ZFPM1: variants seen among roughly 807,000 people sequenced by gnomAD.
ZFPM1 encodes the protein zinc finger protein ZFPM1.
ZFPM1 carries 28 observed loss-of-function variants against 46.3 expected under a neutral mutation model. The observed-to-expected ratio is 0.60, with a 90% CI of 0.45 to 0.83. The LOEUF is 0.83. Among genes scored for constraint, ZFPM1 ranks in the 40% least tolerant of loss-of-function variants. The probability of loss-of-function intolerance (pLI) is 0.00; values close to 1 mark genes in which losing one functional copy is unlikely to be tolerated. For missense variants in ZFPM1, 1,878 were observed against 1,432.4 expected (o/e 1.31, Z -5.02); for synonymous variants, 957 against 675.9 (o/e 1.42, Z -6.45).
intron 3 of ZFPM1, among the ~76,000 whole-genome samples, chr16:88,506,613 G>C (rs2142412451): frequency 6.6e-6 from 1 of 152,296 alleles, no homozygotes; most frequent in East Asian, 1.9e-4. Flanking sequence ...CCCCAGTGTG[G>C]CCAGAGGGCC....
At chr16:88,468,469 G>T (rs1054147409) in intron 1 of ZFPM1, among the ~76,000 whole-genome samples, 6 of 152,204 alleles carry the variant, frequency 3.9e-5, no homozygotes, top group Non-Finnish European at 1.5e-5. Context: ...GTTGGGACTT[G>T]GGGCCAGGTC....
rs749185697 is a variant in ZFPM1, at chr16:88,522,623, G to A, written c.403-4191G>A. 3.0e-4 allele frequency among the ~76,000 whole-genome samples: 46 copies of A among 152,264 alleles called. 1 individual carries two copies. Among genetic ancestry groups the A allele is most frequent in the Non-Finnish European group, 1.8e-4 (12 of 68,044 alleles). ...TCCGATGGCTATCGGTGCCACCGCA[G>A]AATCAAGACACTGACCTCTTTGTTG... On this transcript the variant is annotated intron_variant, in intron 4 of 9. Transcript: ENST00000319555.
At chr16:88,453,086 G>A (rs553928963), upstream of ZFPM1, among the ~76,000 whole-genome samples, 1,477 of 151,476 alleles carry the variant, frequency 9.8e-3, 23 homozygotes, top group African/African-American at 0.034. Context: ...GCGGGCGGGG[G>A]CGCGGTCGCG....
intron 3 of ZFPM1, among the ~76,000 whole-genome samples, chr16:88,504,320 C>T (rs1043096054): frequency 6.6e-6 from 1 of 152,172 alleles, no homozygotes; most frequent in Admixed American, 6.5e-5. Context: ...TAGGACAAGG[C>T]AAGGCTGGGG....
chr16:88,457,629 TTC>T (rs1008377835), intron 1 of ZFPM1, among the ~76,000 whole-genome samples: 17 of 152,018 alleles, frequency 1.1e-4, no homozygotes, highest in African/African-American at 3.6e-4. Flanking sequence ...TTTTCTCTCT[TTC>T]TCTCTCTTTT....
chr16:88,484,184 T>C (rs766245401), intron 1 of ZFPM1, among the ~76,000 whole-genome samples: 3 of 152,180 alleles, frequency 2.0e-5, no homozygotes, highest in African/African-American at 7.2e-5. Context: ...GCTGGGCACA[T>C]GTGGGCGCTT....
rs1908337739 is a variant in ZFPM1 at position 88,469,956 on chromosome 16, C to T, written c.41-15983C>T. ...CTCCCAGTCTGCAGAGGGGTCTCCACACATGCAGGCAGCTCTGTCCTCTCC... is the reference window on the plus strand; with the variant it reads ...CTCCCAGTCTGCAGAGGGGTCTCCATACATGCAGGCAGCTCTGTCCTCTCC... On this transcript the variant is annotated intron_variant, in intron 1 of 9. Transcript: ENST00000319555. The surrounding 1 kb of genome is among the most constrained non-coding windows in gnomAD (Gnocchi z 4.3). Among the ~76,000 whole-genome samples, 1 of 152,146 alleles carries T rather than the reference C, an allele frequency of 6.6e-6. No homozygotes were observed. Among genetic ancestry groups the T allele is most frequent in the African/African-American group, 2.4e-5 (1 of 41,440 alleles).
intron 3 of ZFPM1, among the ~76,000 whole-genome samples, chr16:88,505,359 T>C (rs1344589839): frequency 6.6e-6 from 1 of 152,126 alleles, no homozygotes; most frequent in Non-Finnish European, 1.5e-5. Context: ...TCCCAGGCGG[T>C]GGTGCCCTCC....
intron 3 of ZFPM1, among the ~76,000 whole-genome samples, chr16:88,493,905 A>C (rs1909774427): frequency 6.6e-6 from 1 of 152,188 alleles, no homozygotes; most frequent in African/African-American, 2.4e-5. Context: ...CACGGCTTCA[A>C]AGGAGGGCAC....
intron 1 of ZFPM1, among the ~76,000 whole-genome samples, chr16:88,485,497 C>T (rs558776058): frequency 4.7e-5 from 7 of 150,438 alleles, no homozygotes; most frequent in South Asian, 2.1e-4. Flanking sequence ...TGGAGTGCAG[C>T]GGTGCAATCG....
Position 88,502,383 on chromosome 16 carries a change from C to G in ZFPM1, c.269-12004C>G, listed in dbSNP as rs115420985. The stretch of plus-strand genomic sequence containing the variant: ...CCCAGGGGCCCGGGCGCCGGGCACT[C>G]AGGACCCACCTCTGCCCCATAGGCC... On this transcript the variant is annotated intron_variant, in intron 3 of 9. Transcript: ENST00000319555. Among the ~76,000 whole-genome samples the G allele has an allele frequency of 4.3e-3, 647 of 152,206 alleles. 7 individuals carry two copies. Among genetic ancestry groups the G allele is most frequent in the African/African-American group, 0.015 (614 of 41,538 alleles).
At chr16:88,518,760 G>GATGGATGGATGA (rs1911545183) in intron 4 of ZFPM1, among the ~76,000 whole-genome samples, 1 of 148,076 alleles carries the variant, frequency 6.8e-6, no homozygotes, top group African/African-American at 2.5e-5. Flanking sequence ...TGGATGGATG[G>GATGGATGGATGA]ATGGATGGAT....
At chr16:88,528,852 C>T (rs909803928) in intron 6 of ZFPM1, among the ~76,000 whole-genome samples, 7 of 152,236 alleles carry the variant, frequency 4.6e-5, no homozygotes, top group Admixed American at 2.0e-4. Flanking sequence ...TTCAGGCACA[C>T]GCCACCAAAA....
intron 3 of ZFPM1, among the ~76,000 whole-genome samples, chr16:88,491,388 G>T (rs74032901): frequency 0.052 from 7,974 of 152,276 alleles, 296 homozygotes; most frequent in South Asian, 0.11. Flanking sequence ...ACAGGGTGCT[G>T]GGCAGTCCTC....
chr16:88,489,365 T>A, intron 3 of ZFPM1: 2 of 745,282 alleles, frequency 2.7e-6, no homozygotes, highest in Non-Finnish European at 4.1e-6. Context: ...GGGCCTCACG[T>A]GGTGTACAAG....
chr16:88,495,543 C>T (rs1909884617), intron 3 of ZFPM1, among the ~76,000 whole-genome samples: 1 of 152,236 alleles, frequency 6.6e-6, no homozygotes, highest in East Asian at 1.9e-4. Flanking sequence ...TCTCCCCCAG[C>T]TCTGCCTGTG....
At chr16:88,458,638 C>T (rs955928259) in intron 1 of ZFPM1, among the ~76,000 whole-genome samples, 33 of 152,316 alleles carry the variant, frequency 2.2e-4, no homozygotes, top group African/African-American at 7.7e-4. Context: ...GTTGCCTGGC[C>T]GATTGGTATC....
intron 3 of ZFPM1, among the ~76,000 whole-genome samples, chr16:88,495,451 C>T (rs543076884): frequency 8.7e-4 from 133 of 152,344 alleles, no homozygotes; most frequent in Non-Finnish European, 1.7e-3. Context: ...CCTCACTTGT[C>T]CGTCCTTCCT....
intron 3 of ZFPM1, among the ~76,000 whole-genome samples, chr16:88,502,048 C>T (rs1910375404): frequency 8.1e-6 from 1 of 123,314 alleles, no homozygotes. Context: ...CCCGACGCGG[C>T]TCCACCCGCC....
Sources: allele counts gnomAD v4.1 joint callset (sites outside exome capture counted in the v4.1 genomes callset), GRCh38; gene constraint gnomAD v4.1.1; non-coding constraint Gnocchi (gnomAD v3.1); transcripts MANE v1.5; gene names NCBI Gene and HGNC (gene_info 2026-07-23, HGNC 2026-07-21).